Variants in HAUS1 observed in about 807,000 individuals in gnomAD.
The protein encoded by HAUS1 is HAUS augmin-like complex subunit 1.
In HAUS1, 25 loss-of-function variants were observed where a neutral mutation model predicts 38.6. The ratio of observed to expected loss-of-function variants is 0.65; its 90% confidence interval spans 0.47 to 0.91. The LOEUF is 0.91. Among genes scored for constraint, HAUS1 ranks in the 40% least tolerant of loss-of-function variants. HAUS1 has a pLI of 0.00. For missense variants in HAUS1, 325 were observed against 328.4 expected (o/e 0.99, Z 0.08); for synonymous variants, 109 against 112.9 (o/e 0.97, Z 0.22).
chr18:46,105,290 C>G lies in HAUS1; in HGVS notation c.127C>G (p.Arg43Gly). ...AGAGATTTTACATCACCTTTCAGAA[C>G]GCAACAGGGTCCGGGACAGGGATGT... ...TTEILHHLSE[R>G]NRVRDRDVYL... Residue 43 changes from arginine (R) to glycine (G), a missense_variant, in exon 2 of 9, where the codon CGC becomes GGC. Physicochemically the swap from Arg to Gly is moderately radical, Grantham distance 125. Coordinates refer to ENST00000282058, the MANE Select transcript of HAUS1 (RefSeq NM_138443.4). The G allele has an allele frequency of 6.2e-7, 1 of 1,613,404 alleles. No individual in the cohort carries two copies. The highest frequency in any genetic ancestry group is 8.5e-7 in the Non-Finnish European group (1 of 1,179,598).
chr18:46,105,546 ATGTATGTGTGTGTGTGTGTG>A (rs1252945644), intron 2 of HAUS1, 178 bp downstream of exon 2: 12 of 479,320 alleles, frequency 2.5e-5, no homozygotes, highest in African/African-American at 2.4e-4. Flanking sequence ...ATATATGTAT[ATGTATGTGTGTGTGTGTGTG>A]TGTGTGTGTG....
At chr18:46,106,197 A>G (rs529221550) in intron 2 of HAUS1, among the ~76,000 whole-genome samples, 3 of 152,118 alleles carry the variant, frequency 2.0e-5, no homozygotes, top group Non-Finnish European at 4.4e-5. Context: ...AAGGCCGGGC[A>G]CGGTGGCTTA....
At chr18:46,110,828 TG>T (rs1255980233) in intron 2 of HAUS1, among the ~76,000 whole-genome samples, 1 of 151,556 alleles carries the variant, frequency 6.6e-6, no homozygotes, top group Non-Finnish European at 1.5e-5. Context: ...TTAATCTTAC[TG>T]GGGTTTCTTT....
intron 3 of HAUS1, 93 bp downstream of exon 3, chr18:46,118,409 G>GTTCTCA: frequency 8.0e-7 from 1 of 1,247,552 alleles, no homozygotes; most frequent in African/African-American, 1.5e-5. Context: ...ATGAAAAATT[G>GTTCTCA]GCAATAAATA....
intron 2 of HAUS1, chr18:46,114,948 CT>C (rs1911761579): frequency 6.6e-6 from 1 of 152,174 alleles, no homozygotes; most frequent in Admixed American, 6.6e-5. Flanking sequence ...TTCTTTCTTT[CT>C]TCTGATTTTC....
chr18:46,128,279 G>T lies in HAUS1; in HGVS notation c.*154G>T. Reference sequence around the variant, plus strand: ...GATAGAATATGGTTTCTTACTGTGTGTTGCATTTTTGTGCCCAAATACATA... The same window carrying T: ...GATAGAATATGGTTTCTTACTGTGTTTTGCATTTTTGTGCCCAAATACATA... On this transcript the variant is annotated 3_prime_UTR_variant, in exon 9 of 9. Transcript: ENST00000282058. 2.1e-6 allele frequency: 1 copy of T among 477,166 alleles called. No homozygotes were observed. Among genetic ancestry groups the T allele is most frequent in the East Asian group, 3.4e-5 (1 of 29,190 alleles). 29.6% of individuals were successfully genotyped at this position (477,166 alleles called of 1,614,324 possible). A position where few individuals can be genotyped will look rare whatever the true frequency, so the allele number is the denominator to read the frequency against.
In HAUS1 at chr18:46,123,314, A is replaced by G. The variant is rs767551599; in HGVS notation, c.616A>G (p.Arg206Gly). Residue 206 changes from arginine (R) to glycine (G), a missense_variant, in exon 6 of 9, where the codon AGA (arginine) becomes GGA (glycine). Physicochemically the swap from Arg to Gly is moderately radical, Grantham distance 125 (BLOSUM62 -2). Coordinates refer to ENST00000282058, the MANE Select transcript of HAUS1 (RefSeq NM_138443.4). ...GTAATTGTAGGAGCAACTTTCAGCC[A>G]GAGGCATGGATGCTTCTCTGTCTCA... Reference protein sequence around the residue: ...IKAAEEQLSARGMDASLSHQS... With the variant: ...IKAAEEQLSAGGMDASLSHQS... The G allele has an allele frequency of 9.3e-6, 15 of 1,611,450 alleles. No homozygotes were observed. The highest frequency in any genetic ancestry group is 8.5e-7 in the Non-Finnish European group (1 of 1,178,450).
At chr18:46,105,774 T>C (rs1911456258) in intron 2 of HAUS1, among the ~76,000 whole-genome samples, 1 of 151,904 alleles carries the variant, frequency 6.6e-6, no homozygotes, top group Non-Finnish European at 1.5e-5. Flanking sequence ...AAAGACAGGG[T>C]TTCACAATAT....
At chr18:46,104,507 C>A in intron 1 of HAUS1, 66 bp downstream of exon 1, 2 of 1,325,856 alleles carry the variant, frequency 1.5e-6, no homozygotes, top group Non-Finnish European at 2.0e-6. Flanking sequence ...CCCGCGCCGA[C>A]AGCGGGTCTC....
At chr18:46,122,416 C>T in intron 4 of HAUS1, 51 bp from the exon 5 acceptor site, 1 of 1,583,178 alleles carries the variant, frequency 6.3e-7, no homozygotes, top group Non-Finnish European at 8.7e-7. Flanking sequence ...TTGTACAATA[C>T]TTTTACTGAG....
rs527711796 is a variant in HAUS1 at position 46,126,412 on chromosome 18, A to G, written c.786+621A>G. Among the ~76,000 whole-genome samples, 3 of 152,346 alleles carry G rather than the reference A, an allele frequency of 2.0e-5. 1 individual carries two copies. The highest frequency in any genetic ancestry group is 7.2e-5 in the African/African-American group (3 of 41,598). ...AATTTGCAAAGGCATATAAGCTGAA[A>G]CATGGAGGACTTACTCAAGCTGTAG... On this transcript the variant is annotated intron_variant, in intron 8 of 8. Coordinates refer to ENST00000282058, the MANE Select transcript of HAUS1 (RefSeq NM_138443.4).
At chr18:46,113,077 T>TATTATATATATAATATATATATTCC (rs1911715471) in intron 2 of HAUS1, among the ~76,000 whole-genome samples, 4 of 137,402 alleles carry the variant, frequency 2.9e-5, no homozygotes, top group East Asian at 2.0e-4. Context: ...ATATATTCCA[T>TATTATATATATAATATATATATTCC]ATATATATAT....
In HAUS1 at chr18:46,105,376, T is replaced by G. The variant is rs1486626763; in HGVS notation, c.205+8T>G. ...GTGAATACGAGTCAGAAGGTGAGAT[T>G]AAGTCCAGAGTTTTGAACGAGAATA... On this transcript the variant is annotated splice_region_variant and intron_variant, in intron 2 of 8. Coordinates refer to ENST00000282058, the MANE Select transcript of HAUS1 (RefSeq NM_138443.4). 8 of 1,607,618 alleles carry G rather than the reference T, an allele frequency of 5.0e-6. No individual in the cohort carries two copies. The highest frequency in any genetic ancestry group is 1.7e-5 in the Admixed American group (1 of 58,962).
At position 46,118,280 on chromosome 18, in the gene HAUS1, C is replaced by T. The variant is rs145196614; in HGVS notation, c.305C>T (p.Ala102Val). The change falls in exon 3 of 9, where the codon GCG becomes GTG. Residue 102 changes from alanine to valine, a missense_variant. By Grantham distance (64) the Ala-to-Val change is moderately conservative. Coordinates refer to ENST00000282058, the MANE Select transcript of HAUS1 (RefSeq NM_138443.4). Reference protein sequence around the residue: ...SRYLNALVDSAVALETKDTSL... With the variant: ...SRYLNALVDSVVALETKDTSL... ...TATCTGAATGCTTTGGTTGACAGTG[C>T]GGTGGCCCTTGAAACAAAGGATACC... 328 of 1,613,230 alleles carry T rather than the reference C, an allele frequency of 2.0e-4. No homozygotes were observed. Among genetic ancestry groups the T allele is most frequent in the African/African-American group, 1.5e-3 (114 of 75,028 alleles).
chr18:46,124,008 T>C (rs2144265096), intron 6 of HAUS1, among the ~76,000 whole-genome samples: 1 of 152,278 alleles, frequency 6.6e-6, no homozygotes, highest in African/African-American at 2.4e-5. Context: ...CCCAAAGTGC[T>C]GGGGTTAGAA....
intron 6 of HAUS1, 137 bp downstream of exon 6, chr18:46,123,501 C>T: frequency 1.6e-6 from 1 of 636,752 alleles, no homozygotes; most frequent in South Asian, 2.1e-5. Context: ...TTTATATTCA[C>T]TGGTATTTAT....
chr18:46,126,604 GA>G (rs1239937148), intron 8 of HAUS1: 1 of 150,712 alleles, frequency 6.6e-6, no homozygotes, highest in Non-Finnish European at 1.5e-5. Context: ...AAGCTCAAGA[GA>G]AATATGATCA....
intron 8 of HAUS1, chr18:46,126,805 ATTTATT>A (rs1912120936): frequency 1.0e-5 from 1 of 99,834 alleles, no homozygotes; most frequent in Non-Finnish European, 2.1e-5. Context: ...TTGCATTTTT[ATTTATT>A]TATTTATTTA....
chr18:46,127,015 A>C (rs1229826460), intron 8 of HAUS1, among the ~76,000 whole-genome samples: 1 of 151,732 alleles, frequency 6.6e-6, no homozygotes, highest in Non-Finnish European at 1.5e-5. Flanking sequence ...TTATATTTTT[A>C]GTAGGACGGG....
Sources: allele counts gnomAD v4.1 joint callset (sites outside exome capture counted in the v4.1 genomes callset), GRCh38; gene constraint gnomAD v4.1.1; transcripts MANE v1.5; gene names NCBI Gene and HGNC (gene_info 2026-07-23, HGNC 2026-07-21).